The following NSUN6 variants were observed in gnomAD, a reference collection of about 807,000 sequenced individuals.
NSUN6 encodes the protein tRNA (cytosine(72)-C(5))-methyltransferase NSUN6.
Under a neutral mutation model 58.0 loss-of-function variants are expected in NSUN6, and 64 were observed. The ratio of observed to expected loss-of-function variants is 1.10; its 90% CI spans 0.90 to 1.36. The LOEUF is 1.36. Ranked by LOEUF, NSUN6 falls within the 40% of genes most tolerant of loss-of-function variation. The probability of loss-of-function intolerance (pLI) is 0.00; values close to 1 mark genes in which losing one functional copy is unlikely to be tolerated. For missense variants in NSUN6, 701 were observed against 550.1 expected (o/e 1.27, Z -2.74); for synonymous variants, 231 against 193.9 (o/e 1.19, Z -1.59).
intron 6 of NSUN6, among the ~76,000 whole-genome samples, chr10:18,608,174 AGAATAT>A (rs2058105861): frequency 6.6e-6 from 1 of 152,240 alleles, no homozygotes; most frequent in South Asian, 2.1e-4. Flanking sequence ...TCAGTGACAA[AGAATAT>A]GGCTCTATGG....
chr10:18,651,608 C>T (rs2059708685), upstream of NSUN6: 2 of 987,350 alleles, frequency 2.0e-6, no homozygotes, highest in Non-Finnish European at 2.4e-6. Flanking sequence ...CACGCGCCCC[C>T]TATTTCTCGG....
At chr10:18,563,516 G>A (rs2055697285) in intron 8 of NSUN6, among the ~76,000 whole-genome samples, 1 of 150,934 alleles carries the variant, frequency 6.6e-6, no homozygotes, top group African/African-American at 2.4e-5. Flanking sequence ...ATGGAATATG[G>A]GATAGAATGG....
At chr10:18,570,297 ACCATTCTCCATT>A (rs1253769054) in intron 8 of NSUN6, among the ~76,000 whole-genome samples, 1 of 139,584 alleles carries the variant, frequency 7.2e-6, no homozygotes, top group Non-Finnish European at 1.6e-5. Context: ...TCCATTCCAC[ACCATTCTCCATT>A]CCATTCTTCA....
At position 18,651,251 on chromosome 10, in the gene NSUN6, G is replaced by GTTTT; in HGVS notation, c.-52_-49dup. ...ACCAAGAGAAATGCTGGAAAACGGT[G>GTTTT]TTTTGTTTTTTTTTTTCTTTCCGAA... is the stretch of plus-strand genomic sequence containing the variant. On this transcript the variant is annotated 5_prime_UTR_variant, in exon 1 of 11. Transcript: ENST00000377304. The GTTTT allele has an allele frequency of 6.8e-7, 1 of 1,474,536 alleles. No homozygotes were observed. Among genetic ancestry groups the GTTTT allele is most frequent in the Non-Finnish European group, 9.0e-7 (1 of 1,115,508 alleles). The allele number at this position is 1,474,536 out of a possible 1,614,324, so 91.3% of individuals were successfully genotyped here.
intron 3 of NSUN6, among the ~76,000 whole-genome samples, chr10:18,639,772 T>C (rs2059336847): frequency 6.6e-6 from 1 of 152,194 alleles, no homozygotes; most frequent in Admixed American, 6.5e-5. Context: ...TCCAAATATT[T>C]TAGAGACCTA....
At chr10:18,572,321 C>T (rs1158465825) in intron 8 of NSUN6, among the ~76,000 whole-genome samples, 10 of 151,650 alleles carry the variant, frequency 6.6e-5, no homozygotes, top group African/African-American at 2.4e-4. Flanking sequence ...AGTTCAATCT[C>T]CATTCCATTC....
intron 3 of NSUN6, among the ~76,000 whole-genome samples, chr10:18,635,451 A>G (rs373211711): frequency 1.3e-5 from 2 of 152,214 alleles, no homozygotes; most frequent in South Asian, 4.1e-4. Flanking sequence ...TGCTGCCTTT[A>G]TAACAGAGAA....
intron 8 of NSUN6, among the ~76,000 whole-genome samples, chr10:18,566,022 C>CACTCT (rs1332986868): frequency 1.3e-5 from 2 of 151,456 alleles, no homozygotes; most frequent in African/African-American, 4.8e-5. Flanking sequence ...TTCTCTATTC[C>CACTCT]ATTCCATTCT....
At chr10:18,594,633 G>C (rs1291161269) in intron 7 of NSUN6, among the ~76,000 whole-genome samples, 3 of 152,032 alleles carry the variant, frequency 2.0e-5, no homozygotes, top group Admixed American at 1.3e-4. Context: ...TGTATTTTTA[G>C]TAGAGATGGG....
chr10:18,657,319 A>C (rs1235372760), upstream of NSUN6, among the ~76,000 whole-genome samples: 1 of 152,204 alleles, frequency 6.6e-6, no homozygotes, highest in Non-Finnish European at 1.5e-5. Flanking sequence ...ATATGAAAAA[A>C]TATTTTTAAA....
chr10:18,554,636 G>A (rs1473269269), intron 8 of NSUN6, among the ~76,000 whole-genome samples: 1 of 151,452 alleles, frequency 6.6e-6, no homozygotes, highest in Admixed American at 6.6e-5. Context: ...GGAATGGAAT[G>A]GAGAATGTAA....
At chr10:18,619,493 C>T (rs1013927019) in intron 3 of NSUN6, among the ~76,000 whole-genome samples, 1 of 152,108 alleles carries the variant, frequency 6.6e-6, no homozygotes, top group South Asian at 2.1e-4. Context: ...ACCTCCTTTC[C>T]CATACCTTCA....
At chr10:18,616,024 T>C (rs1311474330) in intron 4 of NSUN6, among the ~76,000 whole-genome samples, 160 bp downstream of exon 4, 1 of 151,854 alleles carries the variant, frequency 6.6e-6, no homozygotes, top group African/African-American at 2.4e-5. Flanking sequence ...ATGACTAGTT[T>C]GTTAGTCCTT....
In NSUN6 at chr10:18,625,664, G is replaced by C. The variant is rs769356412; in HGVS notation, c.312-9371C>G. Reference sequence around the variant, plus strand: ...GGACGCAAAAGCTGCAGTGAGCCGAGATCGCGCCACTGCACTCCAGCCTGG... The same window carrying C: ...GGACGCAAAAGCTGCAGTGAGCCGACATCGCGCCACTGCACTCCAGCCTGG... On this transcript the variant is annotated intron_variant, in intron 3 of 10. Transcript: ENST00000377304. Among the ~76,000 whole-genome samples the C allele has an allele frequency of 4.5e-5, 6 of 132,826 alleles. No individual in the cohort carries two copies. In the Admixed American group the frequency reaches 5.3e-4, roughly 12 times the overall value. The allele number at this position is 132,826 out of a possible 152,430, so 87.1% of individuals were successfully genotyped here. A position where few individuals can be genotyped will look rare whatever the true frequency, so the allele number is the denominator to read the frequency against.
At chr10:18,549,873 A>T (rs2054497645) in intron 9 of NSUN6, among the ~76,000 whole-genome samples, 1 of 152,186 alleles carries the variant, frequency 6.6e-6, no homozygotes, top group Non-Finnish European at 1.5e-5. Context: ...CTGTATATGA[A>T]TTTTTCTCAA....
At chr10:18,618,772 A>G (rs959493629) in intron 3 of NSUN6, among the ~76,000 whole-genome samples, 2 of 151,188 alleles carry the variant, frequency 1.3e-5, no homozygotes, top group African/African-American at 4.9e-5. Flanking sequence ...TGCATTCTAG[A>G]TAATTTCCTA....
At chr10:18,588,008 C>G (rs2057234134) in intron 7 of NSUN6, among the ~76,000 whole-genome samples, 1 of 152,174 alleles carries the variant, frequency 6.6e-6, no homozygotes, top group Middle Eastern at 3.2e-3. Flanking sequence ...CGGAGCCCAG[C>G]AAGCTAAGAA....
intron 7 of NSUN6, 116 bp from the exon 8 acceptor site, chr10:18,586,209 C>A: frequency 1.3e-6 from 1 of 763,840 alleles, no homozygotes; most frequent in Non-Finnish European, 2.0e-6. Flanking sequence ...CACCATACTC[C>A]CATCCCTAAT....
At chr10:18,627,434 C>A (rs1349239710) in intron 3 of NSUN6, among the ~76,000 whole-genome samples, 5 of 152,128 alleles carry the variant, frequency 3.3e-5, no homozygotes, top group Admixed American at 2.6e-4. Flanking sequence ...GGAACAGCTC[C>A]GGTCTACAGC....
Sources: gnomAD v4.1 joint callset for allele counts (sites outside exome capture counted in the v4.1 genomes callset) on GRCh38, gnomAD v4.1.1 for gene constraint, MANE v1.5 for transcripts, NCBI Gene and HGNC (gene_info 2026-07-23, HGNC 2026-07-21) for gene names.